OXNAD1: variants seen among roughly 807,000 people sequenced by gnomAD.
OXNAD1 encodes oxidoreductase NAD binding domain containing 1.
In OXNAD1, 34 loss-of-function variants were observed where a neutral mutation model predicts 32.9. The observed-to-expected ratio is 1.03, with a 90% CI of 0.79 to 1.38. The LOEUF (loss-of-function observed/expected upper bound fraction) is 1.38, where lower values mean the gene tolerates loss of function less well. Among genes scored for constraint, OXNAD1 ranks in the 40% most tolerant of loss-of-function variants. The probability of loss-of-function intolerance (pLI) is 0.00; values close to 1 mark genes in which losing one functional copy is unlikely to be tolerated. For missense variants in OXNAD1, 407 were observed against 379.4 expected (o/e 1.07, Z -0.60); for synonymous variants, 134 against 135.2 (o/e 0.99, Z 0.06).
chr3:16,342,283 G>T (rs906218960), downstream of OXNAD1, among the ~76,000 whole-genome samples: 9 of 152,048 alleles, frequency 5.9e-5, no homozygotes, highest in African/African-American at 2.2e-4. This position sits in a 1 kb window ranked among gnomAD's most constrained non-coding sequence, Gnocchi z 4.0. Context: ...CATATAAATG[G>T]ATTCATATAA....
intron 4 of OXNAD1, among the ~76,000 whole-genome samples, chr3:16,281,418 G>C (rs1057287040): frequency 6.6e-6 from 1 of 152,080 alleles, no homozygotes; most frequent in Admixed American, 6.5e-5. Context: ...GAGTACTGAC[G>C]TGACACTCAA....
downstream of OXNAD1, among the ~76,000 whole-genome samples, chr3:16,307,508 A>G (rs2067645028): frequency 6.6e-6 from 1 of 152,184 alleles, no homozygotes; most frequent in Non-Finnish European, 1.5e-5. Context: ...GTGGCTATTG[A>G]TTTGGCAACT....
downstream of OXNAD1, among the ~76,000 whole-genome samples, chr3:16,342,344 T>TCATACATG (rs1296069576): frequency 6.6e-6 from 1 of 152,284 alleles, no homozygotes; most frequent in African/African-American, 2.4e-5. This position sits in a 1 kb window ranked among gnomAD's most constrained non-coding sequence, Gnocchi z 4.0. Context: ...TGTTCAAGGT[T>TCATACATG]CATACATGTA....
chr3:16,333,773 A>G (rs1023115999), intron 9 of OXNAD1, among the ~76,000 whole-genome samples: 5 of 152,224 alleles, frequency 3.3e-5, no homozygotes, highest in African/African-American at 1.2e-4. Flanking sequence ...CCAATAATCC[A>G]AATTTTAAAA....
intron 4 of OXNAD1, among the ~76,000 whole-genome samples, chr3:16,273,810 A>G (rs534616598): frequency 1.3e-5 from 2 of 152,258 alleles, no homozygotes; most frequent in African/African-American, 4.8e-5. Flanking sequence ...AAACATATCT[A>G]TTTCTCACAT....
chr3:16,279,844 A>G (rs1331175659), intron 4 of OXNAD1, among the ~76,000 whole-genome samples: 1 of 152,106 alleles, frequency 6.6e-6, no homozygotes, highest in Non-Finnish European at 1.5e-5. Flanking sequence ...TGAGGAGAGA[A>G]TGGGAGATGA....
At chr3:16,294,730 T>G (rs1311668222) in intron 5 of OXNAD1, 126 bp from the exon 6 acceptor site, 7 of 898,262 alleles carry the variant, frequency 7.8e-6, no homozygotes, top group Non-Finnish European at 9.8e-6. Context: ...TGTGATGATA[T>G]CTCCTCTTTT....
downstream of OXNAD1, among the ~76,000 whole-genome samples, chr3:16,309,356 T>G (rs1362533430): frequency 6.6e-6 from 1 of 152,202 alleles, no homozygotes; most frequent in Non-Finnish European, 1.5e-5. Context: ...CCCTATAAAA[T>G]GCCTAATCAG....
At chr3:16,294,676 T>C (rs1001429968) in intron 5 of OXNAD1, among the ~76,000 whole-genome samples, 180 bp from the exon 6 acceptor site, 7 of 152,232 alleles carry the variant, frequency 4.6e-5, no homozygotes, top group Admixed American at 2.0e-4. Context: ...GGCATATAGT[T>C]GTTCATGGAA....
intron 9 of OXNAD1, chr3:16,315,505 T>C (rs867444234): frequency 3.5e-4 from 53 of 152,358 alleles, no homozygotes; most frequent in African/African-American, 1.3e-3. Flanking sequence ...GCCTCACTAA[T>C]TTACTTAAAA....
Position 16,316,711 on chromosome 3 carries a change from A to G in OXNAD1, c.*30+13119A>G, listed in dbSNP as rs1458755803. On this transcript the variant is annotated intron_variant, in intron 9 of 9. Coordinates refer to the OXNAD1 transcript ENST00000435829. This position sits in a 1 kb window ranked among gnomAD's most constrained non-coding sequence, Gnocchi z 4.5. ...CAGGTGAGCTCACAAGGAGAGGTCA[A>G]GCCAAGCCAAAGGGTAGGTAACACA... 1.2e-5 allele frequency: 15 copies of G among 1,293,422 alleles called. No individual in the cohort carries two copies. The highest frequency in any genetic ancestry group is 1.4e-5 in the Non-Finnish European group (13 of 906,456). 80.1% of individuals were successfully genotyped at this position (1,293,422 alleles called of 1,614,324 possible).
At chr3:16,286,953 C>A (rs937287971) in intron 5 of OXNAD1, among the ~76,000 whole-genome samples, 22 of 152,226 alleles carry the variant, frequency 1.4e-4, no homozygotes, top group East Asian at 5.8e-4. Flanking sequence ...TCATATGTAC[C>A]TTATTTGGGT....
intron 4 of OXNAD1, among the ~76,000 whole-genome samples, chr3:16,285,034 G>A (rs1223735042): frequency 6.6e-6 from 1 of 152,232 alleles, no homozygotes; most frequent in Non-Finnish European, 1.5e-5. Context: ...GACCAAGAGT[G>A]CAGGTAGAGG....
intron 9 of OXNAD1, among the ~76,000 whole-genome samples, chr3:16,331,809 T>A (rs755716826): frequency 6.6e-6 from 1 of 152,210 alleles, no homozygotes; most frequent in Non-Finnish European, 1.5e-5. Flanking sequence ...CTGTAGTGAC[T>A]CTCTAGGCAA....
chr3:16,288,565 T>C lies in OXNAD1; in HGVS notation c.290+2117T>C, dbSNP rs534980484. Among the ~76,000 whole-genome samples the C allele has an allele frequency of 6.6e-6, 1 of 152,284 alleles. No individual in the cohort carries two copies. Among genetic ancestry groups the C allele is most frequent in the East Asian group, 1.9e-4 (1 of 5,184 alleles). Reference sequence around the variant, plus strand: ...AGATCAGATATAGGCCTCAAGGGGCTCTTTTTGCACTACACTGTATTCTTA... The same window carrying C: ...AGATCAGATATAGGCCTCAAGGGGCCCTTTTTGCACTACACTGTATTCTTA... On this transcript the variant is annotated intron_variant, in intron 5 of 8. Coordinates refer to ENST00000285083, the MANE Select transcript of OXNAD1 (RefSeq NM_138381.5). This position sits in a 1 kb window ranked among gnomAD's most constrained non-coding sequence, Gnocchi z 5.1.
At chr3:16,293,058 GA>G (rs1398304775) in intron 5 of OXNAD1, among the ~76,000 whole-genome samples, 1 of 152,176 alleles carries the variant, frequency 6.6e-6, no homozygotes, top group Non-Finnish European at 1.5e-5. Context: ...TTTCTACAAT[GA>G]AAACACCTGG....
In OXNAD1 at chr3:16,329,756, C is replaced by T. The variant is rs1357648094; in HGVS notation, c.*31-7356C>T. Among the ~76,000 whole-genome samples, 1 of 152,158 alleles carries T rather than the reference C, an allele frequency of 6.6e-6. No individual in the cohort carries two copies. Among genetic ancestry groups the T allele is most frequent in the Non-Finnish European group, 1.5e-5 (1 of 68,020 alleles). ...GATTACTTGGGCCTATCAAGAATAACCTTCCCACTTTATCAAGCACTGTGA... is the reference window on the plus strand; with the variant it reads ...GATTACTTGGGCCTATCAAGAATAATCTTCCCACTTTATCAAGCACTGTGA... On this transcript the variant is annotated intron_variant, in intron 9 of 9. Transcript: ENST00000435829. This position sits in a 1 kb window ranked among gnomAD's most constrained non-coding sequence, Gnocchi z 4.5.
In OXNAD1 at chr3:16,312,902, AACC is replaced by A. The variant is rs1227401763; in HGVS notation, c.*30+9312_*30+9314del. On this transcript the variant is annotated intron_variant, in intron 9 of 9. Transcript: ENST00000435829. The surrounding 1 kb of genome is among the most constrained non-coding windows in gnomAD (Gnocchi z 4.7). ...AATGTTTACCTTTTTGTTACTTATA[AACC>A]ATTGATAAATAATTTAAGACTTTAT... Among the ~76,000 whole-genome samples, 5 of 152,184 alleles carry A rather than the reference AACC, an allele frequency of 3.3e-5. No individual in the cohort carries two copies. Among genetic ancestry groups the A allele is most frequent in the Admixed American group, 1.3e-4 (2 of 15,272 alleles).
chr3:16,303,268 G>A lies in OXNAD1; in HGVS notation c.785-140G>A, dbSNP rs1460002505. 5.2e-6 allele frequency: 5 copies of A among 958,824 alleles called. No homozygotes were observed. Among genetic ancestry groups the A allele is most frequent in the Admixed American group, 4.7e-5 (2 of 42,754 alleles). 59.4% of individuals were successfully genotyped at this position (958,824 alleles called of 1,614,324 possible). A position where few individuals can be genotyped will look rare whatever the true frequency, so the allele number is the denominator to read the frequency against. On this transcript the variant is annotated intron_variant, in intron 8 of 8. Coordinates refer to ENST00000285083, the MANE Select transcript of OXNAD1 (RefSeq NM_138381.5). This position sits in a 1 kb window ranked among gnomAD's most constrained non-coding sequence, Gnocchi z 4.8. ...GGTCTGGGCCCAGATGCCAATAGGA[G>A]CCATACTGTGAATGGCTTAAGAAGA...
Sources: allele counts gnomAD v4.1 joint callset (sites outside exome capture counted in the v4.1 genomes callset), GRCh38; gene constraint gnomAD v4.1.1; non-coding constraint Gnocchi (gnomAD v3.1); transcripts MANE v1.5; gene names NCBI Gene and HGNC (gene_info 2026-07-23, HGNC 2026-07-21).